Variants in CSMD2 observed in about 807,000 individuals in gnomAD.
CSMD2 encodes the protein CUB and Sushi multiple domains 2, also known as CUB and sushi domain-containing protein 2.
Under a neutral mutation model 398.5 loss-of-function variants are expected in CSMD2, and 130 were observed. The ratio of observed to expected loss-of-function variants is 0.33; its 90% confidence interval spans 0.28 to 0.38. The LOEUF is 0.38. Among genes scored for constraint, CSMD2 ranks in the 10% least tolerant of loss-of-function variants. The pLI is 1.00. For missense variants in CSMD2, 3,829 were observed against 4,764.9 expected, an observed-to-expected ratio of 0.80 and a Z score of 5.78; for synonymous variants, 1,828 against 1,908.5, an observed-to-expected ratio of 0.96 and a Z score of 1.10.
At chr1:34,064,960 T>C (rs989966400) in intron 2 of CSMD2, among the ~76,000 whole-genome samples, 3 of 152,082 alleles carry the variant, frequency 2.0e-5, no homozygotes, top group Non-Finnish European at 4.4e-5. Flanking sequence ...GTGAGACTTA[T>C]TCACTACAAC....
rs57095754 is a variant in CSMD2, at chr1:33,975,486, T to TACACACACACACACACACACAC, written c.518-39554_518-39533dup. 1.1e-3 allele frequency among the ~76,000 whole-genome samples: 164 copies of TACACACACACACACACACACAC among 146,458 alleles called. 2 individuals are homozygous for TACACACACACACACACACACAC. The highest frequency in any genetic ancestry group is 3.6e-3 in the African/African-American group (143 of 39,772). On this transcript the variant is annotated intron_variant, in intron 3 of 70. Transcript: ENST00000373381. ...CCACAGATCCTCCCTCTCCCAAGTG[T>TACACACACACACACACACACAC]ACACACACACACACACACACACACA...
chr1:33,533,462 T>C lies in CSMD2; in HGVS notation c.9992-233A>G, dbSNP rs548399997. Among the ~76,000 whole-genome samples the C allele has an allele frequency of 9.1e-4, 139 of 152,310 alleles. No individual in the cohort carries two copies. Among genetic ancestry groups the C allele is most frequent in the African/African-American group, 3.2e-3 (135 of 41,564 alleles). ...TTGGTTGACTCTGAGTTGGGGGAAC[T>C]TAAGCCTGCAGCACTTCCTGAGGGG... On this transcript the variant is annotated intron_variant, in intron 63 of 70. Coordinates refer to ENST00000373381, the MANE Select transcript of CSMD2 (RefSeq NM_001281956.2). This position sits in a 1 kb window ranked among gnomAD's most constrained non-coding sequence, Gnocchi z 4.2.
At chr1:33,924,298 C>G (rs1451397081) in intron 4 of CSMD2, among the ~76,000 whole-genome samples, 1 of 152,114 alleles carries the variant, frequency 6.6e-6, no homozygotes, top group African/African-American at 2.4e-5. Flanking sequence ...CTCAGCCTCC[C>G]AAGTAACTGG....
chr1:33,672,398 G>A (rs555285988), intron 25 of CSMD2, among the ~76,000 whole-genome samples: 177 of 152,318 alleles, frequency 1.2e-3, no homozygotes, highest in Non-Finnish European at 2.2e-3. Context: ...ACTGCAAGGC[G>A]GCAGCAAGGC....
At chr1:33,666,797 T>A (rs1256492256) in intron 25 of CSMD2, among the ~76,000 whole-genome samples, 2 of 152,122 alleles carry the variant, frequency 1.3e-5, no homozygotes, top group African/African-American at 4.8e-5. Flanking sequence ...CTGCTTTCTC[T>A]GTGGTGATCA....
chr1:33,527,872 C>T (rs925227054), intron 64 of CSMD2, among the ~76,000 whole-genome samples: 3 of 146,648 alleles, frequency 2.0e-5, no homozygotes, highest in African/African-American at 5.1e-5. Context: ...ACCTGGGAGG[C>T]GGAGCTTGCA....
chr1:34,052,052 G>A (rs1337309203), intron 2 of CSMD2, among the ~76,000 whole-genome samples: 2 of 151,908 alleles, frequency 1.3e-5, no homozygotes, highest in African/African-American at 2.4e-5. Context: ...CTCGTCTTCT[G>A]ATGGGAACTC....
At chr1:33,767,125 C>G (rs1256171516) in intron 13 of CSMD2, among the ~76,000 whole-genome samples, 2 of 152,292 alleles carry the variant, frequency 1.3e-5, no homozygotes, top group East Asian at 1.9e-4. Flanking sequence ...ATTCACTTGA[C>G]AGAAGAACCC....
intron 3 of CSMD2, among the ~76,000 whole-genome samples, chr1:34,005,088 C>T (rs968518233): frequency 6.6e-6 from 1 of 152,136 alleles, no homozygotes; most frequent in Non-Finnish European, 1.5e-5. Flanking sequence ...AACAGAGTTC[C>T]CATTTAAAGA....
intron 3 of CSMD2, among the ~76,000 whole-genome samples, chr1:33,966,077 A>T (rs1645546123): frequency 6.6e-6 from 1 of 152,218 alleles, no homozygotes; most frequent in Non-Finnish European, 1.5e-5. Context: ...GAGAGGTCAG[A>T]GATCACTTCC....
At position 33,552,805 on chromosome 1, in the gene CSMD2, T is replaced by C. The variant is rs1357197079; in HGVS notation, c.8744-2455A>G. On this transcript the variant is annotated intron_variant, in intron 55 of 70. Coordinates refer to ENST00000373381, the MANE Select transcript of CSMD2 (RefSeq NM_001281956.2). ...GGGGTGGGCAATGGGGAGTGACTTT[T>C]AAGGGCTGCTTGGGAATGATGAAAG... Among the ~76,000 whole-genome samples, 3 of 152,308 alleles carry C rather than the reference T, an allele frequency of 2.0e-5. No individual in the cohort carries two copies. In the East Asian group the frequency reaches 5.8e-4, roughly 29 times the overall value.
chr1:33,549,771 G>C (rs1657256417), intron 56 of CSMD2, among the ~76,000 whole-genome samples: 1 of 152,188 alleles, frequency 6.6e-6, no homozygotes, highest in African/African-American at 2.4e-5. Flanking sequence ...GAGTGGGCTT[G>C]GACCTGAGCA....
At chr1:33,648,212 A>G (rs867785606) in intron 28 of CSMD2, among the ~76,000 whole-genome samples, 1 of 152,066 alleles carries the variant, frequency 6.6e-6, no homozygotes, top group Non-Finnish European at 1.5e-5. Flanking sequence ...AATACAAAAA[A>G]TTAGCCAGGC....
chr1:33,593,870 T>A (rs999105047), intron 44 of CSMD2, among the ~76,000 whole-genome samples: 9 of 152,198 alleles, frequency 5.9e-5, no homozygotes, highest in Non-Finnish European at 1.0e-4. Flanking sequence ...TTTCTTTTAG[T>A]GATTTAGAAG....
intron 1 of CSMD2, among the ~76,000 whole-genome samples, chr1:34,144,015 A>C (rs1571255302): frequency 2.0e-5 from 3 of 152,198 alleles, no homozygotes; most frequent in Admixed American, 2.0e-4. Context: ...GAGAAAAATT[A>C]ACAATTTATT....
At chr1:33,662,370 C>T (rs1644165364) in intron 26 of CSMD2, among the ~76,000 whole-genome samples, 1 of 152,170 alleles carries the variant, frequency 6.6e-6, no homozygotes, top group African/African-American at 2.4e-5. Flanking sequence ...GCTTCAGCCA[C>T]ATGGGGTAGC....
chr1:33,856,904 T>C (rs1216615326), intron 5 of CSMD2, among the ~76,000 whole-genome samples: 3 of 151,862 alleles, frequency 2.0e-5, no homozygotes, highest in East Asian at 1.9e-4. Flanking sequence ...CATAGTGCGA[T>C]TGTGAGTGAC....
rs929991801 is a variant in CSMD2, at chr1:33,605,227, A to G, written c.6532+55T>C. On this transcript the variant is annotated intron_variant, in intron 42 of 70. Coordinates refer to ENST00000373381, the MANE Select transcript of CSMD2 (RefSeq NM_001281956.2). ...TAGGTGGAACATGGGATTGCTCTGG[A>G]CCAGTCTCCACGAGTACCCCAGGAA... The G allele has an allele frequency of 3.3e-6, 5 of 1,532,220 alleles. No homozygotes were observed. The Admixed American group carries it at 8.8e-5, about 27-fold the overall frequency. 94.9% of individuals were successfully genotyped at this position (1,532,220 alleles called of 1,614,324 possible). A position where few individuals can be genotyped will look rare whatever the true frequency, so the allele number is the denominator to read the frequency against.
chr1:34,028,048 G>A (rs1033337060), intron 3 of CSMD2, among the ~76,000 whole-genome samples: 3 of 152,202 alleles, frequency 2.0e-5, no homozygotes, highest in Non-Finnish European at 2.9e-5. Flanking sequence ...GCCCAGTGTG[G>A]TGGCTCATGC....
Sources: gnomAD v4.1 joint callset for allele counts (sites outside exome capture counted in the v4.1 genomes callset) on GRCh38, gnomAD v4.1.1 for gene constraint, Gnocchi (gnomAD v3.1) non-coding constraint, MANE v1.5 for transcripts, NCBI Gene and HGNC (gene_info 2026-07-23, HGNC 2026-07-21) for gene names.